The following KIF6 variants were observed in gnomAD, a reference collection of about 807,000 sequenced individuals.
The protein encoded by KIF6 is kinesin family member 6.
A neutral mutation model predicts 112.7 loss-of-function variants in KIF6; 106 were observed. The ratio of observed to expected loss-of-function variants is 0.94; its 90% confidence interval spans 0.80 to 1.11. KIF6 has a LOEUF of 1.11. Ranked by LOEUF, KIF6 falls within the 50% of genes least tolerant of loss-of-function variation. The pLI is 0.00. For missense variants in KIF6, 929 were observed against 964.0 expected (o/e 0.96, Z 0.48); for synonymous variants, 339 against 339.9 (o/e 1.00, Z 0.03).
rs73735529 is a variant in KIF6 at position 39,396,496 on chromosome 6, C to T, written c.1811-10824G>A. 1.4e-3 allele frequency among the ~76,000 whole-genome samples: 217 copies of T among 152,242 alleles called. 1 individual carries two copies. Among genetic ancestry groups the T allele is most frequent in the African/African-American group, 5.0e-3 (208 of 41,556 alleles). On this transcript the variant is annotated intron_variant, in intron 15 of 22. Coordinates refer to ENST00000287152, the MANE Select transcript of KIF6 (RefSeq NM_145027.6). ...CTAGCCTTCAGAGACAACTGAACAG[C>T]AGTGAAGGCCCGTCAGAGGAGAGGG...
At chr6:39,478,416 C>T (rs572431538) in intron 13 of KIF6, among the ~76,000 whole-genome samples, 16 of 151,958 alleles carry the variant, frequency 1.1e-4, no homozygotes, top group Non-Finnish European at 1.9e-4. Context: ...ATATATATAT[C>T]ATGTCATTAT....
chr6:39,550,496 G>A (rs922644396), intron 10 of KIF6, among the ~76,000 whole-genome samples: 9 of 152,236 alleles, frequency 5.9e-5, no homozygotes, highest in African/African-American at 1.7e-4. Context: ...AACAAGGCTC[G>A]GGGGATGCAA....
chr6:39,639,721 A>G lies in KIF6; in HGVS notation c.288T>C (p.Tyr96=), dbSNP rs769347515. 21 of 1,612,226 alleles carry G rather than the reference A, an allele frequency of 1.3e-5. 1 individual carries two copies. The highest frequency in any genetic ancestry group is 1.8e-5 in the Non-Finnish European group (21 of 1,179,070). ...ATGTCTTCCCGCTGCCTGTTTGCCC[A>G]TATGCAAAGATGGTACCATTGTAAC... The part of the protein sequence containing the change: ...LAGYNGTIFA[Y]GQTGSGKTFT... Residue 96 remains tyrosine (Y), a synonymous_variant, in exon 4 of 23, where the codon TAT becomes TAC. Coordinates refer to ENST00000287152, the MANE Select transcript of KIF6 (RefSeq NM_145027.6).
At chr6:39,364,501 T>A (rs915667956) in intron 16 of KIF6, among the ~76,000 whole-genome samples, 9 of 152,162 alleles carry the variant, frequency 5.9e-5, no homozygotes, top group African/African-American at 2.2e-4. Context: ...TTATCTTAAG[T>A]GTGAAGGCTA....
chr6:39,675,419 T>A (rs187440309), intron 3 of KIF6, among the ~76,000 whole-genome samples: 1 of 152,300 alleles, frequency 6.6e-6, no homozygotes, highest in Admixed American at 6.5e-5. Flanking sequence ...TACCCAAATG[T>A]CATGCAAATC....
At chr6:39,381,282 C>T (rs1434364976) in intron 16 of KIF6, among the ~76,000 whole-genome samples, 4 of 151,884 alleles carry the variant, frequency 2.6e-5, no homozygotes, top group Non-Finnish European at 4.4e-5. Flanking sequence ...ACCATAGGAA[C>T]ATGTAGGCAA....
intron 19 of KIF6, among the ~76,000 whole-genome samples, chr6:39,350,306 T>C (rs755184981): frequency 2.6e-5 from 4 of 152,112 alleles, no homozygotes; most frequent in African/African-American, 4.8e-5. Context: ...GATAACATTA[T>C]GGACATGTGT....
intron 13 of KIF6, among the ~76,000 whole-genome samples, chr6:39,502,755 T>C (rs965099183): frequency 6.6e-6 from 1 of 152,164 alleles, no homozygotes; most frequent in Non-Finnish European, 1.5e-5. Flanking sequence ...AGAAGGGCAT[T>C]ACGTAATGGT....
At chr6:39,350,312 T>C (rs997699544) in intron 19 of KIF6, among the ~76,000 whole-genome samples, 9 of 152,014 alleles carry the variant, frequency 5.9e-5, no homozygotes, top group Non-Finnish European at 1.2e-4. Flanking sequence ...ATTATGGACA[T>C]GTGTCCCTAA....
chr6:39,719,347 AAGAG>A (rs34594101), intron 2 of KIF6, among the ~76,000 whole-genome samples: 6 of 149,894 alleles, frequency 4.0e-5, no homozygotes, highest in South Asian at 2.1e-4. Flanking sequence ...TAAAAAGAAA[AAGAG>A]AGAGAGAGAG....
At chr6:39,493,243 A>G (rs1038847467) in intron 13 of KIF6, among the ~76,000 whole-genome samples, 8 of 152,226 alleles carry the variant, frequency 5.3e-5, no homozygotes, top group African/African-American at 1.9e-4. Flanking sequence ...GCACTGAAAA[A>G]GACCTTAGAG....
intron 3 of KIF6, among the ~76,000 whole-genome samples, chr6:39,642,171 T>C (rs907108310): frequency 1.3e-5 from 2 of 152,176 alleles, no homozygotes; most frequent in Non-Finnish European, 2.9e-5. Flanking sequence ...AATAGTGGTG[T>C]AATGAACTTT....
chr6:39,709,428 A>T (rs1203407507), intron 3 of KIF6, among the ~76,000 whole-genome samples: 1 of 152,138 alleles, frequency 6.6e-6, no homozygotes, highest in Admixed American at 6.5e-5. Context: ...TCCTATGAGG[A>T]TCTAATGCCG....
chr6:39,594,889 A>G (rs574882621), intron 7 of KIF6, among the ~76,000 whole-genome samples: 1 of 152,142 alleles, frequency 6.6e-6, no homozygotes, highest in Admixed American at 6.5e-5. Context: ...CATCTTTAAC[A>G]TTCATCTCAC....
At chr6:39,354,837 T>G (rs1371487188) in intron 19 of KIF6, among the ~76,000 whole-genome samples, 1 of 152,192 alleles carries the variant, frequency 6.6e-6, no homozygotes, top group African/African-American at 2.4e-5. Flanking sequence ...TGCTAATGAC[T>G]AGTGAAGTTG....
intron 10 of KIF6, among the ~76,000 whole-genome samples, chr6:39,546,580 C>G (rs980539131): frequency 1.2e-4 from 19 of 152,176 alleles, no homozygotes; most frequent in Admixed American, 4.6e-4. Context: ...AATCCCAGCA[C>G]TTTGGGAGGC....
chr6:39,673,288 G>T (rs150629891), intron 3 of KIF6, among the ~76,000 whole-genome samples: 1 of 152,282 alleles, frequency 6.6e-6, no homozygotes, highest in Non-Finnish European at 1.5e-5. Flanking sequence ...ATGGAAGCAG[G>T]CCCTACATCC....
chr6:39,584,011 T>A (rs1781456495), intron 9 of KIF6, among the ~76,000 whole-genome samples: 1 of 152,062 alleles, frequency 6.6e-6, no homozygotes, highest in African/African-American at 2.4e-5. Flanking sequence ...GTTTGACAGA[T>A]CAAGCCAATA....
Position 39,343,140 on chromosome 6 carries a change from C to A in KIF6, c.2428+569G>T, listed in dbSNP as rs922967906. On this transcript the variant is annotated intron_variant, in intron 22 of 22. Coordinates refer to ENST00000287152, the MANE Select transcript of KIF6 (RefSeq NM_145027.6). This position sits in a 1 kb window ranked among gnomAD's most constrained non-coding sequence, Gnocchi z 4.1. ...GGGAGATGGGCAGCTGCCAAGAGGA[C>A]GGGGCTGGGGGTGGAGGGGGCAGTG... 2 of 985,164 alleles carry A rather than the reference C, an allele frequency of 2.0e-6. No individual in the cohort carries two copies. The highest frequency in any genetic ancestry group is 2.4e-6 in the Non-Finnish European group (2 of 829,894). 61.0% of individuals were successfully genotyped at this position (985,164 alleles called of 1,614,324 possible).
Sources: gnomAD v4.1 joint callset for allele counts (sites outside exome capture counted in the v4.1 genomes callset) on GRCh38, gnomAD v4.1.1 for gene constraint, Gnocchi (gnomAD v3.1) non-coding constraint, MANE v1.5 for transcripts, NCBI Gene and HGNC (gene_info 2026-07-23, HGNC 2026-07-21) for gene names.